The following DNAH12 variants were observed in gnomAD, a reference collection of about 807,000 sequenced individuals.
The protein encoded by DNAH12 is axonemal beta dynein heavy chain 12.
DNAH12 carries 285 observed loss-of-function variants against 371.5 expected under a neutral mutation model. That is an observed-to-expected ratio of 0.77 (90% confidence interval 0.70 to 0.85). The LOEUF (loss-of-function observed/expected upper bound fraction) is 0.85. Among genes scored for constraint, DNAH12 ranks in the 40% least tolerant of loss-of-function variants. The pLI is 0.00. For missense variants in DNAH12, 3,611 were observed against 3,689.4 expected, an observed-to-expected ratio of 0.98 and a Z score of 0.55; for synonymous variants, 1,200 against 1,213.0, an observed-to-expected ratio of 0.99 and a Z score of 0.22.
At chr3:57,523,524 T>C (rs765692507) in intron 4 of DNAH12, 59 bp downstream of exon 4, 2 of 1,436,222 alleles carry the variant, frequency 1.4e-6, no homozygotes, top group Non-Finnish European at 1.9e-6. Context: ...TAGATGAAAC[T>C]ACTTTGCAAT....
At chr3:57,425,917 T>C (rs781079929) in intron 34 of DNAH12, among the ~76,000 whole-genome samples, 8 of 152,176 alleles carry the variant, frequency 5.3e-5, no homozygotes, top group Non-Finnish European at 1.2e-4. Flanking sequence ...TAATATGATG[T>C]AATAATGATA....
intron 11 of DNAH12, among the ~76,000 whole-genome samples, chr3:57,491,527 C>T (rs1387261210): frequency 6.6e-6 from 1 of 152,012 alleles, no homozygotes; most frequent in Non-Finnish European, 1.5e-5. Context: ...GTAAAATGTA[C>T]CCATTATCCA....
chr3:57,509,875 A>T (rs1487186855), intron 5 of DNAH12, among the ~76,000 whole-genome samples: 1 of 149,970 alleles, frequency 6.7e-6, no homozygotes, highest in Admixed American at 6.7e-5. Context: ...AAAAAAAAAA[A>T]AAAAAAAAAA....
At chr3:57,536,977 G>A (rs1422119624) in intron 2 of DNAH12, among the ~76,000 whole-genome samples, 1 of 152,248 alleles carries the variant, frequency 6.6e-6, no homozygotes, top group Admixed American at 6.5e-5. Flanking sequence ...AAGGCAGGTA[G>A]ATCACTTGAG....
intron 65 of DNAH12, among the ~76,000 whole-genome samples, chr3:57,317,551 CTTCTTT>C (rs1251650802): frequency 6.6e-6 from 1 of 152,068 alleles, no homozygotes; most frequent in Non-Finnish European, 1.5e-5. Context: ...GCAGTATTTT[CTTCTTT>C]TTAAGGCTGA....
intron 10 of DNAH12, among the ~76,000 whole-genome samples, chr3:57,502,031 C>G (rs966243527): frequency 6.6e-6 from 1 of 151,868 alleles, no homozygotes; most frequent in African/African-American, 2.4e-5. Context: ...CTCAGCCTCC[C>G]GAGTAGCCGG....
At position 57,501,233 on chromosome 3, in the gene DNAH12, T is replaced by G. The variant is rs1274350633; in HGVS notation, c.1335+88A>C. ...AAATGATATTTTAAATAAGAAATTC[T>G]ATTTAAGCATTTACTTTTTAGAATG... On this transcript the variant is annotated intron_variant, in intron 11 of 73. Transcript: ENST00000495027. 3.2e-6 allele frequency: 3 copies of G among 929,432 alleles called. No homozygotes were observed. The East Asian group carries it at 8.3e-5, about 26-fold the overall frequency. The allele number at this position is 929,432 out of a possible 1,614,324, so 57.6% of individuals were successfully genotyped here. A position where few individuals can be genotyped will look rare whatever the true frequency, so the allele number is the denominator to read the frequency against.
At chr3:57,550,191 T>C in the DNAH12 span, among the ~76,000 whole-genome samples, 1 of 152,062 alleles carries the variant, frequency 6.6e-6, no homozygotes, top group East Asian at 1.9e-4. Flanking sequence ...GCTACATACC[T>C]GTAGTCCTAA....
intron 20 of DNAH12, among the ~76,000 whole-genome samples, chr3:57,458,458 T>C (rs1225507466): frequency 7.2e-5 from 11 of 152,192 alleles, no homozygotes; most frequent in African/African-American, 2.7e-4. Flanking sequence ...TTGTCGTGCA[T>C]ATTGTCATTT....
intron 58 of DNAH12, among the ~76,000 whole-genome samples, chr3:57,360,348 T>G (rs2062897476): frequency 6.6e-6 from 1 of 152,016 alleles, no homozygotes. Flanking sequence ...ATCACATTCA[T>G]GCAAAATAAA....
chr3:57,472,898 C>T (rs2066408340), intron 13 of DNAH12, among the ~76,000 whole-genome samples: 1 of 152,168 alleles, frequency 6.6e-6, no homozygotes, highest in Middle Eastern at 3.4e-3. Context: ...AGAAATAAGG[C>T]TTTTAAAAAG....
intron 60 of DNAH12, among the ~76,000 whole-genome samples, chr3:57,336,805 C>T (rs1553653889): frequency 1.3e-5 from 2 of 152,220 alleles, no homozygotes; most frequent in Non-Finnish European, 2.9e-5. Context: ...TTAGATGCAT[C>T]AGAGGACTGA....
At chr3:57,412,692 T>C (rs2064243864) in intron 39 of DNAH12, among the ~76,000 whole-genome samples, 1 of 152,176 alleles carries the variant, frequency 6.6e-6, no homozygotes, top group Non-Finnish European at 1.5e-5. Context: ...TAAAAGATGC[T>C]TCTTACCGTA....
At chr3:57,394,829 C>G (rs1390273277) in intron 43 of DNAH12, among the ~76,000 whole-genome samples, 1 of 152,132 alleles carries the variant, frequency 6.6e-6, no homozygotes, top group East Asian at 1.9e-4. Flanking sequence ...CTATCTACCT[C>G]TAGACGCTTC....
intron 29 of DNAH12, among the ~76,000 whole-genome samples, chr3:57,438,510 T>C (rs2065202709): frequency 6.6e-6 from 1 of 152,088 alleles, no homozygotes. Context: ...TCTGACAATA[T>C]GATGCTACAC....
At chr3:57,400,812 C>A (rs2063841156) in intron 43 of DNAH12, among the ~76,000 whole-genome samples, 1 of 152,134 alleles carries the variant, frequency 6.6e-6, no homozygotes, top group Admixed American at 6.5e-5. Context: ...GATAGAACAC[C>A]TGACAGAAGA....
chr3:57,365,157 G>A (rs1435049337), intron 57 of DNAH12, among the ~76,000 whole-genome samples: 7 of 152,106 alleles, frequency 4.6e-5, no homozygotes, highest in African/African-American at 1.7e-4. Flanking sequence ...GTACATGCAC[G>A]TGTATGTTCA....
intron 66 of DNAH12, among the ~76,000 whole-genome samples, chr3:57,313,909 C>G (rs778759168): frequency 7.2e-5 from 11 of 152,118 alleles, no homozygotes; most frequent in Non-Finnish European, 1.3e-4. Flanking sequence ...GCTCTGGGGT[C>G]TAATATTCAA....
intron 25 of DNAH12, among the ~76,000 whole-genome samples, chr3:57,450,688 A>G (rs2065732143): frequency 6.6e-6 from 1 of 152,246 alleles, no homozygotes; most frequent in Non-Finnish European, 1.5e-5. Flanking sequence ...ACAAATATTT[A>G]GGGATAACTG....
Sources: allele counts gnomAD v4.1 joint callset (sites outside exome capture counted in the v4.1 genomes callset), GRCh38; gene constraint gnomAD v4.1.1; transcripts MANE v1.5; gene names NCBI Gene and HGNC (gene_info 2026-07-23, HGNC 2026-07-21).